The following SLC15A4 variants were observed in gnomAD, a reference collection of about 807,000 sequenced individuals.
SLC15A4 encodes the protein solute carrier family 15 member 4.
SLC15A4 carries 26 observed loss-of-function variants against 46.1 expected under a neutral mutation model. That is an observed-to-expected ratio of 0.56 (90% CI 0.41 to 0.78). SLC15A4 has a LOEUF of 0.78. SLC15A4 is among the 30% of genes least tolerant of loss of function. The pLI, the probability that SLC15A4 is intolerant of heterozygous loss-of-function variation, is 0.00. For missense variants in SLC15A4, 751 were observed against 755.7 expected, an observed-to-expected ratio of 0.99 and a Z score of 0.07; for synonymous variants, 370 against 333.4, an observed-to-expected ratio of 1.11 and a Z score of -1.20.
rs1955627949 is a variant in SLC15A4, at chr12:128,809,493, T to C, written c.1012-20A>G. 1 of 1,524,480 alleles carries C rather than the reference T, an allele frequency of 6.6e-7. No individual in the cohort carries two copies. Among genetic ancestry groups the C allele is most frequent in the Non-Finnish European group, 9.0e-7 (1 of 1,107,440 alleles). The allele number at this position is 1,524,480 out of a possible 1,614,324, so 94.4% of individuals were successfully genotyped here. Reference sequence around the variant, plus strand: ...CTGCATCTAGGTATAAAAAACAGTATCATTATATGTGGACCAACTGTGCTC... The same window carrying C: ...CTGCATCTAGGTATAAAAAACAGTACCATTATATGTGGACCAACTGTGCTC... On this transcript the variant is annotated intron_variant, in intron 3 of 7. Transcript: ENST00000266771.
intron 2 of SLC15A4, 58 bp from the exon 3 acceptor site, chr12:128,810,169 G>A (rs778059468): frequency 2.4e-5 from 38 of 1,565,756 alleles, no homozygotes; most frequent in Non-Finnish European, 3.0e-5. Flanking sequence ...TCAATTATTT[G>A]GTCACAAATT....
Position 128,815,175 on chromosome 12 carries a change from T to G in SLC15A4, c.547-105A>C. ...AAATTACCGTTGTCATCACAACCTT[T>G]AAGAAGCGCAACACAATCAAAATTG... On this transcript the variant is annotated intron_variant, in intron 1 of 7. Transcript: ENST00000266771. 2.8e-6 allele frequency: 3 copies of G among 1,077,204 alleles called. No homozygotes were observed. In the South Asian group the frequency reaches 4.6e-5, roughly 16 times the overall value. The allele number at this position is 1,077,204 out of a possible 1,614,324, so 66.7% of individuals were successfully genotyped here.
chr12:128,818,308 T>G lies in SLC15A4; in HGVS notation c.547-3238A>C, dbSNP rs11829113. On this transcript the variant is annotated intron_variant, in intron 1 of 7. Coordinates refer to ENST00000266771, the MANE Select transcript of SLC15A4 (RefSeq NM_145648.4). ...CAACTAGGCCTCCTTCTCAAAGCTATGCAGCCTCACCCCATTGTCTCTCCT... is the reference window on the plus strand; with the variant it reads ...CAACTAGGCCTCCTTCTCAAAGCTAGGCAGCCTCACCCCATTGTCTCTCCT... 6.4e-3 allele frequency among the ~76,000 whole-genome samples: 981 copies of G among 152,310 alleles called. 11 individuals are homozygous for G. The highest frequency in any genetic ancestry group is 0.021 in the African/African-American group (862 of 41,578).
chr12:128,814,157 ACTGCACCTTC>A (rs1444376736), intron 2 of SLC15A4: 1 of 158,194 alleles, frequency 6.3e-6, no homozygotes, highest in Non-Finnish European at 1.4e-5. Flanking sequence ...CCATTCTGCT[ACTGCACCTTC>A]CTGTCAAGAG....
chr12:128,809,836 GA>G, intron 3 of SLC15A4, 106 bp downstream of exon 3: 25 of 1,170,664 alleles, frequency 2.1e-5, no homozygotes, highest in South Asian at 3.2e-5. Context: ...AGACTCATGG[GA>G]AAAAAAATCA....
intron 6 of SLC15A4, among the ~76,000 whole-genome samples, chr12:128,799,949 C>G (rs1333002144): frequency 1.3e-5 from 2 of 152,170 alleles, no homozygotes; most frequent in African/African-American, 4.8e-5. Flanking sequence ...TCAAGCGATT[C>G]TCCTGCCTCA....
chr12:128,812,345 G>T (rs7975141), intron 2 of SLC15A4, among the ~76,000 whole-genome samples: 2,531 of 151,868 alleles, frequency 0.017, 79 homozygotes, highest in African/African-American at 0.057. Context: ...TTTTTGAGAC[G>T]GAGTCTCGCT....
chr12:128,811,715 T>A (rs1955658673), intron 2 of SLC15A4, among the ~76,000 whole-genome samples: 1 of 152,270 alleles, frequency 6.6e-6, no homozygotes, highest in African/African-American at 2.4e-5. Context: ...GTTTACCACA[T>A]CATATTAAAT....
rs1163745399 is a variant in SLC15A4, at chr12:128,817,993, G to A, written c.547-2923C>T. Among the ~76,000 whole-genome samples the A allele has an allele frequency of 2.0e-5, 3 of 151,724 alleles. No individual in the cohort carries two copies. In the East Asian group the frequency reaches 5.8e-4, roughly 29 times the overall value. ...ACCAAAATCAATTTGGAGAAGAAAA[G>A]CTAAAAGAATAGAATTGTGTACAGC... is the stretch of plus-strand genomic sequence containing the variant. On this transcript the variant is annotated intron_variant, in intron 1 of 7. Coordinates refer to ENST00000266771, the MANE Select transcript of SLC15A4 (RefSeq NM_145648.4).
In SLC15A4 at chr12:128,823,581, C is replaced by G; in HGVS notation, c.363G>C (p.Pro121=). 3.5e-6 allele frequency: 5 copies of G among 1,445,358 alleles called. No homozygotes were observed. The highest frequency in any genetic ancestry group is 4.5e-6 in the Non-Finnish European group (5 of 1,106,766). 89.5% of individuals were successfully genotyped at this position (1,445,358 alleles called of 1,614,324 possible). Residue 121 remains proline (P), a synonymous_variant, in exon 1 of 8, where the codon CCG becomes CCC. Transcript: ENST00000266771. The stretch of plus-strand genomic sequence containing the variant: ...CTCGCGTGGCGGGCGCGGCCAGCAG[C>G]GGGAAGGCCAGCATGCCCAGCAGGT... ...ALYLLGMLAF[P]LLAAPATRAA... is the part of the protein sequence containing the mutation.
Position 128,793,768 on chromosome 12 carries a change from T to C in SLC15A4, c.*428A>G, listed in dbSNP as rs537885584. The C allele has an allele frequency of 9.3e-6, 1 of 108,092 alleles. No homozygotes were observed. The highest frequency in any genetic ancestry group is 1.1e-4 in the Admixed American group (1 of 8,828). The allele number at this position is 108,092 out of a possible 1,614,324, so 6.7% of individuals were successfully genotyped here. On this transcript the variant is annotated 3_prime_UTR_variant, in exon 8 of 8. Coordinates refer to ENST00000266771, the MANE Select transcript of SLC15A4 (RefSeq NM_145648.4). ...AAAAAAATCCTCACTTTCTTAAATATAAGTAACAGTTTATTAATTTTTTTT... is the reference window on the plus strand; with the variant it reads ...AAAAAAATCCTCACTTTCTTAAATACAAGTAACAGTTTATTAATTTTTTTT...
chr12:128,823,284 C>G, intron 1 of SLC15A4, 114 bp downstream of exon 1: 4 of 1,078,016 alleles, frequency 3.7e-6, no homozygotes, highest in Non-Finnish European at 3.7e-6. Context: ...ACAGAAGCCC[C>G]CCGGGGCAAG....
chr12:128,798,374 T>G (rs937031393), intron 7 of SLC15A4, among the ~76,000 whole-genome samples: 1 of 152,082 alleles, frequency 6.6e-6, no homozygotes, highest in African/African-American at 2.4e-5. Flanking sequence ...CCAGAAAACA[T>G]CAGTGACAAG....
chr12:128,809,927 G>C lies in SLC15A4; in HGVS notation c.1011+16C>G. ...TAGGAAGATAAAGGAAATTAAACCT[G>C]TTTGTCACCACTCACTTGGAAATAC... On this transcript the variant is annotated intron_variant, in intron 3 of 7. Transcript: ENST00000266771. 1 of 1,607,248 alleles carries C rather than the reference G, an allele frequency of 6.2e-7. No individual in the cohort carries two copies. Among genetic ancestry groups the C allele is most frequent in the Non-Finnish European group, 8.5e-7 (1 of 1,177,376 alleles).
chr12:128,823,722 G>C lies in SLC15A4; in HGVS notation c.222C>G (p.Ala74=), dbSNP rs1188283966. Residue 74 remains alanine, a synonymous_variant, in exon 1 of 8, where the codon GCC becomes GCG. Coordinates refer to ENST00000266771, the MANE Select transcript of SLC15A4 (RefSeq NM_145648.4). Reference sequence around the variant, plus strand: ...CCATGAAGAGCAGCAGCGCCTCGCTGGCCTGCGCGCCCTCCCAGCAGAACG... The same window carrying C: ...CCATGAAGAGCAGCAGCGCCTCGCTCGCCTGCGCGCCCTCCCAGCAGAACG... ...GAPFCWEGAQ[A]SEALLLFMGL... is the part of the protein sequence containing the mutation. The C allele has an allele frequency of 1.9e-6, 3 of 1,538,828 alleles. No individual in the cohort carries two copies. Among genetic ancestry groups the C allele is most frequent in the East Asian group, 2.5e-5 (1 of 39,218 alleles).
In SLC15A4 at chr12:128,793,593, T is replaced by A. The variant is rs758466086; in HGVS notation, c.*603A>T. ...TAATGTTGATGGTTTAAAAAGTAAG[T>A]ACTTTTTGAAGCAGCAGATGAAATG... On this transcript the variant is annotated 3_prime_UTR_variant, in exon 8 of 8. Coordinates refer to ENST00000266771, the MANE Select transcript of SLC15A4 (RefSeq NM_145648.4). 1.3e-5 allele frequency: 2 copies of A among 152,184 alleles called. No homozygotes were observed. The highest frequency in any genetic ancestry group is 2.9e-5 in the Non-Finnish European group (2 of 68,028). The allele number at this position is 152,184 out of a possible 1,614,324, so 9.4% of individuals were successfully genotyped here.
chr12:128,810,086 AT>A lies in SLC15A4; in HGVS notation c.867del (p.Gln289HisfsTer27). 6.2e-7 allele frequency: 1 copy of A among 1,613,818 alleles called. No individual in the cohort carries two copies. The highest frequency in any genetic ancestry group is 8.5e-7 in the Non-Finnish European group (1 of 1,179,922). Reference sequence around the variant, plus strand: ...GAATCAAACAGACTTTGTTTAGAAGATTGCTGAAAGACTCCAATGCCTTCAC... The same window carrying A: ...GAATCAAACAGACTTTGTTTAGAAGATGCTGAAAGACTCCAATGCCTTCAC... The part of the protein sequence containing the change: ...SNGEGIGVFQ[Q>X]SSKQSLFDSC... On this transcript the variant is annotated frameshift_variant, in exon 3 of 8. Transcript: ENST00000266771. LOFTEE classifies it high-confidence loss of function.
At chr12:128,806,946 C>T (rs1406282979) in intron 5 of SLC15A4, among the ~76,000 whole-genome samples, 1 of 146,094 alleles carries the variant, frequency 6.8e-6, no homozygotes, top group Non-Finnish European at 1.5e-5. Context: ...GCTCTGTCAC[C>T]AGGCTGGAGT....
chr12:128,821,583 G>A (rs1005561815), intron 1 of SLC15A4, among the ~76,000 whole-genome samples: 9 of 152,024 alleles, frequency 5.9e-5, no homozygotes, highest in Non-Finnish European at 7.4e-5. Context: ...TCCCGTTTCC[G>A]ACCACTTAAA....
Sources: gnomAD v4.1 joint callset for allele counts (sites outside exome capture counted in the v4.1 genomes callset) on GRCh38, gnomAD v4.1.1 for gene constraint, MANE v1.5 for transcripts, NCBI Gene and HGNC (gene_info 2026-07-23, HGNC 2026-07-21) for gene names.